The following MRPL48 variants were observed in gnomAD, a reference collection of about 807,000 sequenced individuals.
MRPL48 encodes the protein large ribosomal subunit protein mL48.
MRPL48 carries 16 observed loss-of-function variants against 32.9 expected under a neutral mutation model. The observed-to-expected ratio is 0.49, with a 90% CI of 0.33 to 0.74. MRPL48 has a LOEUF of 0.74. MRPL48 is among the 30% of genes least tolerant of loss of function. The pLI is 0.02. For synonymous variants in MRPL48, 94 were observed against 89.2 expected (o/e 1.05, Z -0.31); for missense variants, 206 against 245.3 (o/e 0.84, Z 1.07).
chr11:73,863,322 A>G lies in MRPL48; in HGVS notation c.564+61A>G. The G allele has an allele frequency of 3.7e-6, 5 of 1,349,828 alleles. No individual in the cohort carries two copies. In the South Asian group the frequency reaches 5.1e-5, roughly 14 times the overall value. The allele number at this position is 1,349,828 out of a possible 1,614,324, so 83.6% of individuals were successfully genotyped here. On this transcript the variant is annotated intron_variant, in intron 7 of 7. Transcript: ENST00000310614. Reference sequence around the variant, plus strand: ...TGCATATGCTCAAAATAAGGATAAGAACATCTGGACTTCCTGGCTTTAGAA... The same window carrying G: ...TGCATATGCTCAAAATAAGGATAAGGACATCTGGACTTCCTGGCTTTAGAA...
At chr11:73,798,101 A>G (rs1278356180) in intron 1 of MRPL48, among the ~76,000 whole-genome samples, 1 of 151,924 alleles carries the variant, frequency 6.6e-6, no homozygotes, top group Non-Finnish European at 1.5e-5. Context: ...TTCTTTTTTG[A>G]GACAGAGTCT....
rs140993145 is a variant in MRPL48, at chr11:73,828,382, AC to A, written c.201+2589del. 1.3e-3 allele frequency among the ~76,000 whole-genome samples: 197 copies of A among 151,998 alleles called. 1 individual carries two copies. Among genetic ancestry groups the A allele is most frequent in the African/African-American group, 4.5e-3 (188 of 41,456 alleles). On this transcript the variant is annotated intron_variant, in intron 4 of 7. Coordinates refer to ENST00000310614, the MANE Select transcript of MRPL48 (RefSeq NM_016055.6). ...TGGGACTACAGGCATGCACCACCAC[AC>A]CCAGCTAGTTTTTGTATTTTTTTGT...
At chr11:73,849,983 C>T (rs1173729428) in intron 5 of MRPL48, among the ~76,000 whole-genome samples, 3 of 152,120 alleles carry the variant, frequency 2.0e-5, no homozygotes, top group African/African-American at 7.2e-5. Context: ...GCCTGTAGTC[C>T]CTGCCACTTG....
intron 4 of MRPL48, among the ~76,000 whole-genome samples, chr11:73,837,710 T>C (rs1205179411): frequency 6.6e-6 from 1 of 152,206 alleles, no homozygotes; most frequent in Non-Finnish European, 1.5e-5. Flanking sequence ...TGCCAACGTT[T>C]GATGATGGAC....
At chr11:73,851,387 C>G (rs1340925162) in intron 5 of MRPL48, among the ~76,000 whole-genome samples, 1 of 152,214 alleles carries the variant, frequency 6.6e-6, no homozygotes, top group African/African-American at 2.4e-5. Flanking sequence ...TTAAGTCCTT[C>G]AGCCAAATTT....
intron 1 of MRPL48, among the ~76,000 whole-genome samples, chr11:73,799,612 C>T (rs1308505794): frequency 6.6e-6 from 1 of 152,002 alleles, no homozygotes; most frequent in Non-Finnish European, 1.5e-5. Context: ...GGAACATAGG[C>T]ACTGGAGACT....
At chr11:73,813,329 G>A (rs1034192357) in intron 3 of MRPL48, among the ~76,000 whole-genome samples, 8 of 151,186 alleles carry the variant, frequency 5.3e-5, no homozygotes, top group South Asian at 4.2e-4. Context: ...GTGCCACCAC[G>A]CCTGGCTAAT....
chr11:73,834,231 A>G (rs1342800786), intron 4 of MRPL48, among the ~76,000 whole-genome samples: 1 of 152,190 alleles, frequency 6.6e-6, no homozygotes, highest in African/African-American at 2.4e-5. Context: ...GTACCTTCCT[A>G]CATGAATTGT....
At chr11:73,840,299 C>A (rs1445822866) in intron 4 of MRPL48, among the ~76,000 whole-genome samples, 4 of 152,070 alleles carry the variant, frequency 2.6e-5, no homozygotes, top group African/African-American at 9.7e-5. Context: ...TTGAGACCAG[C>A]CTGTGCAACG....
chr11:73,838,853 T>C (rs763299773), intron 4 of MRPL48, among the ~76,000 whole-genome samples: 10 of 152,180 alleles, frequency 6.6e-5, no homozygotes, highest in Admixed American at 1.3e-4. Flanking sequence ...GTCTGTCTTG[T>C]CTGGCTTCGT....
chr11:73,858,247 T>C (rs1948520521), intron 5 of MRPL48, among the ~76,000 whole-genome samples: 1 of 152,230 alleles, frequency 6.6e-6, no homozygotes. Context: ...AGGGATGTTA[T>C]TTAGAAAGAC....
At chr11:73,809,833 C>T (rs1947534565) in intron 3 of MRPL48, among the ~76,000 whole-genome samples, 1 of 152,196 alleles carries the variant, frequency 6.6e-6, no homozygotes, top group South Asian at 2.1e-4. Flanking sequence ...ACATTTTTTA[C>T]TCAGTGCCTA....
At chr11:73,819,527 T>C (rs961517227) in intron 3 of MRPL48, among the ~76,000 whole-genome samples, 11 of 152,226 alleles carry the variant, frequency 7.2e-5, no homozygotes, top group African/African-American at 2.7e-4. Context: ...TGATCTTACC[T>C]AAGTGCTTAC....
intron 2 of MRPL48, among the ~76,000 whole-genome samples, chr11:73,807,159 C>T (rs1161038732): frequency 6.6e-6 from 1 of 151,988 alleles, no homozygotes; most frequent in Non-Finnish European, 1.5e-5. Context: ...CATGAGCCAC[C>T]GTGCCCAGGC....
chr11:73,849,005 T>C (rs1486442842), intron 5 of MRPL48, among the ~76,000 whole-genome samples: 5 of 152,028 alleles, frequency 3.3e-5, no homozygotes, highest in Admixed American at 2.6e-4. Context: ...GTATTTTTAG[T>C]AGAGTTGGGG....
intron 6 of MRPL48, among the ~76,000 whole-genome samples, chr11:73,861,085 G>A (rs560492159): frequency 3.3e-4 from 50 of 151,770 alleles, no homozygotes; most frequent in African/African-American, 1.2e-3. Flanking sequence ...ACCCTTTTTT[G>A]ATCCACTGAA....
intron 3 of MRPL48, among the ~76,000 whole-genome samples, chr11:73,821,085 G>C (rs1947772050): frequency 6.6e-6 from 1 of 152,088 alleles, no homozygotes; most frequent in African/African-American, 2.4e-5. Flanking sequence ...GCCTTGAACT[G>C]GGCTCAAACA....
In MRPL48 at chr11:73,825,693, T is replaced by C. The variant is rs775899103; in HGVS notation, c.113-15T>C. 2.6e-6 allele frequency: 4 copies of C among 1,548,306 alleles called. No homozygotes were observed. The South Asian group carries it at 3.6e-5, about 14-fold the overall frequency. On this transcript the variant is annotated splice_polypyrimidine_tract_variant and intron_variant, in intron 3 of 7. Transcript: ENST00000310614. ...ACAACAAAAAAACAGGTTTGTCTTA[T>C]TTTCTCTCTTTTAGGTGGAATTCTA...
intron 1 of MRPL48, among the ~76,000 whole-genome samples, chr11:73,794,911 A>ATTT (rs556425789): frequency 3.9e-5 from 4 of 102,290 alleles, no homozygotes; most frequent in Admixed American, 9.9e-5. Context: ...TGCCCAGCTA[A>ATTT]TTTTTTTTTT....
Sources: allele counts gnomAD v4.1 joint callset (sites outside exome capture counted in the v4.1 genomes callset), GRCh38; gene constraint gnomAD v4.1.1; transcripts MANE v1.5; gene names NCBI Gene and HGNC (gene_info 2026-07-23, HGNC 2026-07-21).